Variants in ZMYND8 observed in about 807,000 individuals in gnomAD.
ZMYND8 encodes zinc finger MYND-type containing 8.
Under a neutral mutation model 140.8 loss-of-function variants are expected in ZMYND8, and 37 were observed. The ratio of observed to expected loss-of-function variants is 0.26; its 90% CI spans 0.20 to 0.35. ZMYND8 has a LOEUF of 0.35. Among genes scored for constraint, ZMYND8 ranks in the 10% least tolerant of loss-of-function variants. ZMYND8 has a pLI of 1.00. For missense variants in ZMYND8, 1,068 were observed against 1,570.0 expected (o/e 0.68, Z 5.40); for synonymous variants, 592 against 597.1 (o/e 0.99, Z 0.12).
In ZMYND8 at chr20:47,262,338, G is replaced by A. The variant is rs61756442; in HGVS notation, c.1571C>T (p.Thr524Met). ...GGTGGTGGAGGTTTTGTCCGTTTTC[G>A]TCGTGATAGGAGCTGACAGTTGAGG... Reference protein sequence around the residue: ...FSPQLSAPITTKTDKTSTTGS... With the variant: ...FSPQLSAPITMKTDKTSTTGS... Residue 524 changes from threonine (T) to methionine (M), a missense_variant, in exon 12 of 23, where the codon ACG becomes ATG. Thr to Met is a moderately conservative substitution (Grantham distance 81). Around this residue, in one of 10 missense-constraint regions of ZMYND8, gnomAD observed 173 missense variants for 223.3 expected, o/e 0.77. Transcript: ENST00000471951. The A allele has an allele frequency of 1.7e-5, 28 of 1,614,014 alleles. No individual in the cohort carries two copies. The highest frequency in any genetic ancestry group is 1.6e-4 in the East Asian group (7 of 44,858).
At chr20:47,241,077 C>T (rs189547418) in intron 14 of ZMYND8, among the ~76,000 whole-genome samples, 5 of 151,864 alleles carry the variant, frequency 3.3e-5, no homozygotes, top group Admixed American at 1.3e-4. Context: ...GGGCAGATCA[C>T]GAAGTCAGGA....
intron 9 of ZMYND8, 119 bp from the exon 10 acceptor site, chr20:47,282,336 G>C: frequency 1.2e-6 from 1 of 801,630 alleles, no homozygotes. Flanking sequence ...TGGAAAAAGA[G>C]TTTCAAGCAG....
chr20:47,333,312 T>C (rs1290169781), intron 2 of ZMYND8, among the ~76,000 whole-genome samples: 4 of 152,042 alleles, frequency 2.6e-5, no homozygotes, highest in Non-Finnish European at 5.9e-5. Flanking sequence ...CACTCCAGCC[T>C]GGGCAACATC....
At chr20:47,308,302 T>C (rs1169077862) in intron 3 of ZMYND8, among the ~76,000 whole-genome samples, 2 of 145,878 alleles carry the variant, frequency 1.4e-5, no homozygotes, top group Non-Finnish European at 3.0e-5. Context: ...CACTGCAACC[T>C]CCGCCTCCCA....
At chr20:47,262,026 G>A (rs750030421) in intron 12 of ZMYND8, among the ~76,000 whole-genome samples, 5 of 150,854 alleles carry the variant, frequency 3.3e-5, no homozygotes, top group African/African-American at 9.8e-5. Context: ...AGCCGAGACC[G>A]CACCCTTGCA....
intron 21 of ZMYND8, among the ~76,000 whole-genome samples, chr20:47,218,189 T>A (rs1489179725): frequency 6.6e-6 from 1 of 152,216 alleles, no homozygotes; most frequent in Non-Finnish European, 1.5e-5. Flanking sequence ...CAGAATGGAA[T>A]ACGATGCCTC....
intron 12 of ZMYND8, among the ~76,000 whole-genome samples, chr20:47,257,470 ACG>A (rs1193690999): frequency 1.3e-5 from 2 of 151,890 alleles, no homozygotes; most frequent in African/African-American, 4.8e-5. Context: ...ATATACACAC[ACG>A]CAAATACAAC....
At chr20:47,329,849 C>A (rs955457475) in intron 2 of ZMYND8, among the ~76,000 whole-genome samples, 6 of 152,128 alleles carry the variant, frequency 3.9e-5, no homozygotes, top group African/African-American at 1.4e-4. Flanking sequence ...CAATTTGCCT[C>A]TAGGGACTGA....
intron 5 of ZMYND8, among the ~76,000 whole-genome samples, chr20:47,293,964 T>G (rs768855075): frequency 6.6e-6 from 1 of 152,178 alleles, no homozygotes; most frequent in Non-Finnish European, 1.5e-5. Context: ...CCTGCTGCCA[T>G]GTAAAACGTG....
At chr20:47,287,844 ACACACACG>A (rs969075109) in intron 7 of ZMYND8, among the ~76,000 whole-genome samples, 6 of 92,718 alleles carry the variant, frequency 6.5e-5, no homozygotes, top group African/African-American at 1.5e-4. Context: ...AACAACACAC[ACACACACG>A]CACACACGCA....
At chr20:47,303,112 G>A (rs758163342) in intron 3 of ZMYND8, among the ~76,000 whole-genome samples, 1 of 152,106 alleles carries the variant, frequency 6.6e-6, no homozygotes, top group Non-Finnish European at 1.5e-5. Flanking sequence ...CTAATGTAGA[G>A]GGTCTGCTCT....
intron 2 of ZMYND8, among the ~76,000 whole-genome samples, chr20:47,330,486 G>A (rs1345700680): frequency 6.6e-6 from 1 of 151,614 alleles, no homozygotes; most frequent in Non-Finnish European, 1.5e-5. Context: ...TTACAGGCGT[G>A]AGACACCATG....
At chr20:47,322,090 G>C (rs560920617) in intron 2 of ZMYND8, among the ~76,000 whole-genome samples, 1 of 151,956 alleles carries the variant, frequency 6.6e-6, no homozygotes, top group East Asian at 1.9e-4. Flanking sequence ...CAAACTCCAG[G>C]GCTCAAGCAA....
chr20:47,302,696 C>G (rs1182326538), intron 3 of ZMYND8, among the ~76,000 whole-genome samples: 1 of 152,168 alleles, frequency 6.6e-6, no homozygotes, highest in East Asian at 1.9e-4. Flanking sequence ...TCCCAGCACA[C>G]TCTCTCTTCC....
At position 47,269,707 on chromosome 20, in the gene ZMYND8, C is replaced by T. The variant is rs1256217154; in HGVS notation, c.1480+6607G>A. ...AAATTAGGAAAAAAATGCCCTTTCC[C>T]TCCCATGCACCCCAGCACTCTGGGT... On this transcript the variant is annotated intron_variant, in intron 11 of 22. Transcript: ENST00000471951. Among the ~76,000 whole-genome samples, 3 of 152,214 alleles carry T rather than the reference C, an allele frequency of 2.0e-5. 1 individual carries two copies. The highest frequency in any genetic ancestry group is 7.2e-5 in the African/African-American group (3 of 41,454).
At chr20:47,303,238 T>TA (rs1004548345) in intron 3 of ZMYND8, among the ~76,000 whole-genome samples, 52 of 152,102 alleles carry the variant, frequency 3.4e-4, no homozygotes, top group Admixed American at 1.9e-3. Context: ...TGTTGAAAGA[T>TA]AAGCTATACA....
Position 47,210,080 on chromosome 20 carries a change from G to C in ZMYND8, c.*681C>G, listed in dbSNP as rs886596144. The stretch of plus-strand genomic sequence containing the variant: ...GGATATTGTTTTTTCCCTTTTAGGA[G>C]TAGAGTCATCATTTCAATCACATGA... On this transcript the variant is annotated 3_prime_UTR_variant, in exon 23 of 23. Coordinates refer to ENST00000471951, the MANE Select transcript of ZMYND8 (RefSeq NM_001281775.3). The C allele has an allele frequency of 6.6e-6, 1 of 152,662 alleles. No individual in the cohort carries two copies. The highest frequency in any genetic ancestry group is 6.5e-5 in the Admixed American group (1 of 15,270). 9.5% of individuals were successfully genotyped at this position (152,662 alleles called of 1,614,324 possible).
rs760025335 is a variant in ZMYND8, at chr20:47,212,702, G to T, written c.3508C>A (p.Pro1170Thr). Residue 1170 changes from proline (P) to threonine (T), a missense_variant, in exon 22 of 23, where the codon CCT becomes ACT. Physicochemically the swap from Pro to Thr is conservative, Grantham distance 38 (BLOSUM62 -1). Around this residue, in one of 10 missense-constraint regions of ZMYND8, gnomAD observed 180 missense variants for 187.8 expected, o/e 0.96. Coordinates refer to ENST00000471951, the MANE Select transcript of ZMYND8 (RefSeq NM_001281775.3). ...TCTGTGGTGGTTGGGGCATAGGCAGGTTGCTTGTCACACCTTTTGCTAACT... is the reference window on the plus strand; with the variant it reads ...TCTGTGGTGGTTGGGGCATAGGCAGTTTGCTTGTCACACCTTTTGCTAACT... ...GSVSKRCDKQ[P>T]AYAPTTTDHQ... The T allele has an allele frequency of 6.2e-7, 1 of 1,612,898 alleles. No homozygotes were observed. Among genetic ancestry groups the T allele is most frequent in the African/African-American group, 1.3e-5 (1 of 74,858 alleles).
intron 11 of ZMYND8, among the ~76,000 whole-genome samples, chr20:47,263,079 G>A (rs138965348): frequency 7.7e-4 from 117 of 152,176 alleles, no homozygotes; most frequent in Admixed American, 1.8e-3. Context: ...AATGACCTAC[G>A]ACCTGCTTCT....
Sources: allele counts gnomAD v4.1 joint callset (sites outside exome capture counted in the v4.1 genomes callset), GRCh38; gene constraint gnomAD v4.1.1; regional missense constraint gnomAD v4.1.1; transcripts MANE v1.5; gene names NCBI Gene and HGNC (gene_info 2026-07-23, HGNC 2026-07-21).